Variants in GPSM2 observed in about 807,000 individuals in gnomAD.
The protein encoded by GPSM2 is G protein signaling modulator 2.
A neutral mutation model predicts 78.4 loss-of-function variants in GPSM2; 58 were observed. That is an observed-to-expected ratio of 0.74 (90% confidence interval 0.60 to 0.92). The LOEUF (loss-of-function observed/expected upper bound fraction) is 0.92, where lower values mean the gene tolerates loss of function less well. Ranked by LOEUF, GPSM2 falls within the 40% of genes least tolerant of loss-of-function variation. GPSM2 has a pLI of 0.00. For synonymous variants in GPSM2, 224 were observed against 280.2 expected (o/e 0.80, Z 2.00); for missense variants, 700 against 815.5 (o/e 0.86, Z 1.73).
At chr1:108,920,530 CCT>C (rs1491278594) in intron 12 of GPSM2, among the ~76,000 whole-genome samples, 1 of 151,544 alleles carries the variant, frequency 6.6e-6, no homozygotes, top group Non-Finnish European at 1.5e-5. Context: ...AAAAAAAAAG[CCT>C]TTTTTTTTTA....
chr1:108,880,190 G>A (rs905089475), intron 1 of GPSM2, among the ~76,000 whole-genome samples: 2 of 152,176 alleles, frequency 1.3e-5, no homozygotes, highest in Admixed American at 6.5e-5. Context: ...GGGAAGAGAA[G>A]ACAAAATCAT....
Position 108,888,486 on chromosome 1 carries a change from T to C in GPSM2, c.56+2908T>C, listed in dbSNP as rs1458902491. Among the ~76,000 whole-genome samples the C allele has an allele frequency of 2.0e-5, 3 of 152,208 alleles. No homozygotes were observed. In the East Asian group the frequency reaches 5.8e-4, roughly 29 times the overall value. On this transcript the variant is annotated intron_variant, in intron 2 of 14. Transcript: ENST00000264126. ...CCTCAGCTTCCTGAGTAGCTGGGAC[T>C]ACAGCTATGCCTGGCTAATTTTTAA...
intron 2 of GPSM2, among the ~76,000 whole-genome samples, chr1:108,887,908 C>G (rs34820434): frequency 6.6e-6 from 1 of 152,154 alleles, no homozygotes; most frequent in Non-Finnish European, 1.5e-5. Context: ...AATGACATCT[C>G]TAATGCAATT....
At chr1:108,880,753 C>T (rs926611541) in intron 1 of GPSM2, among the ~76,000 whole-genome samples, 1 of 152,156 alleles carries the variant, frequency 6.6e-6, no homozygotes, top group African/African-American at 2.4e-5. Context: ...GATGATCTAA[C>T]CTGGTGGCAA....
At chr1:108,899,412 G>A (rs1648625485) in intron 7 of GPSM2, among the ~76,000 whole-genome samples, 1 of 152,072 alleles carries the variant, frequency 6.6e-6, no homozygotes, top group Non-Finnish European at 1.5e-5. Context: ...AGAAAGCCTT[G>A]TAACAAAAAT....
chr1:108,894,576 T>C (rs1319344138), intron 2 of GPSM2, among the ~76,000 whole-genome samples: 1 of 152,074 alleles, frequency 6.6e-6, no homozygotes, highest in Non-Finnish European at 1.5e-5. Context: ...CACATGACTG[T>C]AATCCCAGCT....
chr1:108,900,323 T>A (rs945208077), intron 7 of GPSM2, among the ~76,000 whole-genome samples: 2 of 149,582 alleles, frequency 1.3e-5, no homozygotes, highest in Non-Finnish European at 3.0e-5. Context: ...CACTGCAACC[T>A]CGGCCTCCCC....
intron 14 of GPSM2, 57 bp from the exon 15 acceptor site, chr1:108,929,644 T>C (rs1651553240): frequency 1.3e-6 from 2 of 1,551,564 alleles, no homozygotes; most frequent in Non-Finnish European, 1.8e-6. Context: ...AGATTTAACA[T>C]AGCTTGGTGC....
Position 108,922,554 on chromosome 1 carries a change from T to TC in GPSM2, c.1583dup (p.Lys529Ter). On this transcript the variant is annotated frameshift_variant, in exon 13 of 15. Transcript: ENST00000264126. LOFTEE classifies it high-confidence loss of function. ...CAGCTTCAACAACAACTTCTTCCAC[T>TC]CCCCCTAAAATGATGCTAAAAAGTA... 1.9e-6 allele frequency: 3 copies of TC among 1,609,612 alleles called. No homozygotes were observed. The highest frequency in any genetic ancestry group is 2.6e-6 in the Non-Finnish European group (3 of 1,176,426).
intron 2 of GPSM2, among the ~76,000 whole-genome samples, chr1:108,892,481 C>T (rs954478635): frequency 1.3e-5 from 2 of 152,048 alleles, no homozygotes; most frequent in Non-Finnish European, 2.9e-5. Context: ...AATGAAAACA[C>T]GTCAGTTAAG....
Position 108,903,011 on chromosome 1 carries a change from A to C in GPSM2, c.954-115A>C, listed in dbSNP as rs150108157. The stretch of plus-strand genomic sequence containing the variant: ...CATGATAGTATGTTATTTATATGAA[A>C]GACCAAATCAATCCAAAGCATTCTT... On this transcript the variant is annotated intron_variant, in intron 8 of 14. Coordinates refer to ENST00000264126, the MANE Select transcript of GPSM2 (RefSeq NM_013296.5). The C allele has an allele frequency of 1.4e-5, 10 of 695,008 alleles. No homozygotes were observed. In the East Asian group the frequency reaches 2.7e-4, roughly 19 times the overall value. 43.1% of individuals were successfully genotyped at this position (695,008 alleles called of 1,614,324 possible).
intron 1 of GPSM2, among the ~76,000 whole-genome samples, chr1:108,879,054 C>T (rs1244926797): frequency 2.0e-5 from 3 of 152,162 alleles, no homozygotes; most frequent in Admixed American, 6.5e-5. Context: ...GTTGTAGCTT[C>T]GCAGAAATAT....
chr1:108,891,948 A>G (rs921518702), intron 2 of GPSM2, among the ~76,000 whole-genome samples: 27 of 152,290 alleles, frequency 1.8e-4, no homozygotes, highest in African/African-American at 6.0e-4. Flanking sequence ...ATGTAAATCA[A>G]TTGAGCACTA....
At chr1:108,922,692 GTA>G (rs147769509) in intron 13 of GPSM2, 116 bp downstream of exon 13, 13,014 of 914,816 alleles carry the variant, frequency 0.014, 235 homozygotes, top group South Asian at 0.052. Flanking sequence ...CTGAATTCAG[GTA>G]TATCTGAAAT....
At chr1:108,897,156 A>T (rs76912699) in intron 3 of GPSM2, 71 bp downstream of exon 3, 13,459 of 1,150,554 alleles carry the variant, frequency 0.012, 156 homozygotes, top group Admixed American at 0.042. Context: ...ATTTCTATTC[A>T]ATTAACAAAA....
intron 13 of GPSM2, 105 bp downstream of exon 13, chr1:108,922,681 C>A: frequency 2.0e-6 from 2 of 992,188 alleles, no homozygotes; most frequent in Non-Finnish European, 3.2e-6. Context: ...AATAAATGAG[C>A]CTGAATTCAG....
At chr1:108,908,365 T>C (rs539668880) in intron 10 of GPSM2, among the ~76,000 whole-genome samples, 38 of 143,076 alleles carry the variant, frequency 2.7e-4, no homozygotes, top group Non-Finnish European at 4.7e-4. Context: ...AGCGAGACTC[T>C]GTCTCAAAAA....
chr1:108,918,778 A>C lies in GPSM2; in HGVS notation c.1429A>C (p.Asn477His), dbSNP rs770350301. 7.4e-6 allele frequency: 12 copies of C among 1,611,978 alleles called. No individual in the cohort carries two copies. Among genetic ancestry groups the C allele is most frequent in the Non-Finnish European group, 8.5e-6 (10 of 1,178,102 alleles). Residue 477 changes from asparagine (N) to histidine (H), a missense_variant, in exon 12 of 15, where the codon AAT becomes CAT. By Grantham distance (68) the Asn-to-His change is moderately conservative (BLOSUM62 1). Transcript: ENST00000264126. ...ASNSIDHRIPNSQRKISADTI... is the reference protein window; with the variant it reads ...ASNSIDHRIPHSQRKISADTI... ...TAATTCTATTGACCACCGAATTCCAAATTCTCAGAGGGTACGTTTAAACTA... is the reference window on the plus strand; with the variant it reads ...TAATTCTATTGACCACCGAATTCCACATTCTCAGAGGGTACGTTTAAACTA...
chr1:108,915,567 C>T (rs1676234489), intron 11 of GPSM2, among the ~76,000 whole-genome samples: 1 of 151,118 alleles, frequency 6.6e-6, no homozygotes, highest in African/African-American at 2.4e-5. Flanking sequence ...GCTGGGACTG[C>T]AGGCGGGCAC....
Sources: gnomAD v4.1 joint callset for allele counts (sites outside exome capture counted in the v4.1 genomes callset) on GRCh38, gnomAD v4.1.1 for gene constraint, MANE v1.5 for transcripts, NCBI Gene and HGNC (gene_info 2026-07-23, HGNC 2026-07-21) for gene names.